NWD2: variants seen among roughly 807,000 people sequenced by gnomAD.
The protein encoded by NWD2 is NACHT and WD repeat domain containing 2.
Under a neutral mutation model 132.7 loss-of-function variants are expected in NWD2, and 37 were observed. The ratio of observed to expected loss-of-function variants is 0.28; its 90% confidence interval spans 0.21 to 0.37. The LOEUF is 0.37. Among genes scored for constraint, NWD2 ranks in the 10% least tolerant of loss-of-function variants. NWD2 has a pLI of 1.00. For synonymous variants in NWD2, 705 were observed against 803.0 expected, an observed-to-expected ratio of 0.88 and a Z score of 2.06; for missense variants, 1,592 against 2,122.4, an observed-to-expected ratio of 0.75 and a Z score of 4.91.
intron 1 of NWD2, among the ~76,000 whole-genome samples, chr4:37,271,723 T>G (rs1717874290): frequency 1.3e-5 from 2 of 151,800 alleles, no homozygotes; most frequent in Non-Finnish European, 1.5e-5. Flanking sequence ...CAAAATAAGT[T>G]GTTAAACAAA....
At chr4:37,280,081 T>C (rs1237670282) in intron 1 of NWD2, among the ~76,000 whole-genome samples, 4 of 152,158 alleles carry the variant, frequency 2.6e-5, no homozygotes, top group African/African-American at 9.7e-5. Context: ...ATGTCATCAG[T>C]AGATTCGCAG....
intron 1 of NWD2, among the ~76,000 whole-genome samples, chr4:37,250,463 T>C (rs988759570): frequency 1.3e-5 from 2 of 152,192 alleles, no homozygotes; most frequent in African/African-American, 4.8e-5. Flanking sequence ...TAACTTGTTT[T>C]GAGTTTCCCA....
intron 3 of NWD2, among the ~76,000 whole-genome samples, chr4:37,411,258 G>C (rs1034632747): frequency 2.0e-5 from 3 of 152,128 alleles, no homozygotes; most frequent in Non-Finnish European, 4.4e-5. Context: ...AAGCAGGAAA[G>C]AGAAAAGAAT....
Position 37,332,010 on chromosome 4 carries a change from C to T in NWD2, c.240+5986C>T, listed in dbSNP as rs574789006. Among the ~76,000 whole-genome samples, 39 of 152,184 alleles carry T rather than the reference C, an allele frequency of 2.6e-4. 1 individual carries two copies. Among genetic ancestry groups the T allele is most frequent in the Admixed American group, 2.4e-3 (36 of 15,282 alleles). On this transcript the variant is annotated intron_variant, in intron 2 of 6. Coordinates refer to ENST00000309447, the MANE Select transcript of NWD2 (RefSeq NM_001144990.2). ...AGACCAGGCCTAGTCAGAAGGGAAT[C>T]GCCCCTTCCAGTGATCAGAAACTGA...
intron 1 of NWD2, among the ~76,000 whole-genome samples, chr4:37,260,987 A>C (rs1473144416): frequency 3.3e-5 from 5 of 152,224 alleles, no homozygotes; most frequent in African/African-American, 1.2e-4. Flanking sequence ...TTTCTGACTC[A>C]GTGACCTTAA....
At chr4:37,431,824 C>G (rs1349672732) in intron 4 of NWD2, among the ~76,000 whole-genome samples, 2 of 152,114 alleles carry the variant, frequency 1.3e-5, no homozygotes, top group African/African-American at 4.8e-5. Context: ...GACTTTCCTT[C>G]TAGGCTAATT....
rs1283969828 is a variant in NWD2, at chr4:37,439,416, T to C, written c.1296+26T>C. ...GTAAAAGCCTATTCTTTCCCGTGTA[T>C]ATTTGTAAAAACTTGTACTTTTGGA... On this transcript the variant is annotated intron_variant, in intron 6 of 6. Coordinates refer to ENST00000309447, the MANE Select transcript of NWD2 (RefSeq NM_001144990.2). The surrounding 1 kb of genome is among the most constrained non-coding windows in gnomAD (Gnocchi z 4.5). 1 of 1,369,290 alleles carries C rather than the reference T, an allele frequency of 7.3e-7. No individual in the cohort carries two copies. The highest frequency in any genetic ancestry group is 9.6e-7 in the Non-Finnish European group (1 of 1,036,990). The allele number at this position is 1,369,290 out of a possible 1,614,324, so 84.8% of individuals were successfully genotyped here.
intron 1 of NWD2, among the ~76,000 whole-genome samples, chr4:37,266,656 C>T (rs1242021882): frequency 6.6e-6 from 1 of 152,042 alleles, no homozygotes; most frequent in Non-Finnish European, 1.5e-5. Context: ...TATTTACTGT[C>T]GCTACCAACT....
At position 37,444,702 on chromosome 4, in the gene NWD2, C is replaced by T; in HGVS notation, c.2714C>T (p.Ala905Val). Residue 905 changes from alanine (A) to valine (V), a missense_variant, in exon 7 of 7, where the codon GCA (alanine) becomes GTA (valine). By Grantham distance (64) the Ala-to-Val change is moderately conservative. This residue lies in a region of NWD2 where 1,071 missense variants were observed against 1,398.0 expected (regional missense o/e 0.77). Coordinates refer to ENST00000309447, the MANE Select transcript of NWD2 (RefSeq NM_001144990.2). The surrounding 1 kb of genome is among the most constrained non-coding windows in gnomAD (Gnocchi z 4.8). The stretch of plus-strand genomic sequence containing the variant: ...CGCAGCATCAAAAACAAGGTCACTG[C>T]ATTTCCCGGCTCCCTTTCAGCAGAG... ...TLRSIKNKVT[A>V]FPGSLSAELQ... 4 of 1,552,160 alleles carry T rather than the reference C, an allele frequency of 2.6e-6. No homozygotes were observed. The South Asian group carries it at 4.8e-5, about 18-fold the overall frequency.
At chr4:37,287,344 C>T (rs953687026) in intron 1 of NWD2, among the ~76,000 whole-genome samples, 3 of 152,104 alleles carry the variant, frequency 2.0e-5, no homozygotes, top group African/African-American at 2.4e-5. Context: ...CTTTTTGCGA[C>T]GGGGGGCAGC....
intron 3 of NWD2, among the ~76,000 whole-genome samples, chr4:37,385,739 G>T (rs940506396): frequency 1.3e-5 from 2 of 152,156 alleles, no homozygotes; most frequent in Non-Finnish European, 2.9e-5. Context: ...ACAGAAACTG[G>T]TTGGACAAGA....
chr4:37,295,369 T>C (rs999070741), intron 1 of NWD2, among the ~76,000 whole-genome samples: 2 of 152,220 alleles, frequency 1.3e-5, no homozygotes, highest in African/African-American at 4.8e-5. Flanking sequence ...AAGGAGCTCA[T>C]TCTGTGTGGA....
intron 2 of NWD2, among the ~76,000 whole-genome samples, chr4:37,345,502 T>A (rs1422801022): frequency 1.3e-5 from 2 of 152,204 alleles, no homozygotes; most frequent in Non-Finnish European, 1.5e-5. Context: ...GTATATATTC[T>A]GTGAAGAAAT....
chr4:37,426,214 T>A (rs1712004128), intron 3 of NWD2, among the ~76,000 whole-genome samples: 1 of 152,146 alleles, frequency 6.6e-6, no homozygotes, highest in African/African-American at 2.4e-5. Flanking sequence ...GTTTCTCAAA[T>A]AGCAAGATAA....
chr4:37,383,958 T>C (rs1424862007), intron 3 of NWD2, among the ~76,000 whole-genome samples: 2 of 152,208 alleles, frequency 1.3e-5, no homozygotes. Flanking sequence ...TTTATTTTTT[T>C]ATTTAATTTT....
In NWD2 at chr4:37,435,032, C is replaced by A. The variant is rs111681983; in HGVS notation, c.706+1012C>A. Among the ~76,000 whole-genome samples, 15 of 152,242 alleles carry A rather than the reference C, an allele frequency of 9.9e-5. 1 individual carries two copies. The highest frequency in any genetic ancestry group is 2.6e-4 in the African/African-American group (11 of 41,528). On this transcript the variant is annotated intron_variant, in intron 5 of 6. Transcript: ENST00000309447. ...CAGGTATACTTCAGTCTATACCATACCAAGCATTCTGCGTACAGAGGCTCA... is the reference window on the plus strand; with the variant it reads ...CAGGTATACTTCAGTCTATACCATAACAAGCATTCTGCGTACAGAGGCTCA...
At chr4:37,325,092 C>A (rs1719143222) in intron 1 of NWD2, among the ~76,000 whole-genome samples, 2 of 152,140 alleles carry the variant, frequency 1.3e-5, no homozygotes, top group South Asian at 2.1e-4. Context: ...CCTATTTGCT[C>A]TTAGAATCTT....
intron 2 of NWD2, among the ~76,000 whole-genome samples, chr4:37,344,982 T>C (rs1197422513): frequency 6.6e-6 from 1 of 152,200 alleles, no homozygotes; most frequent in Non-Finnish European, 1.5e-5. Flanking sequence ...ATGTGGTCTT[T>C]TGTGACTGGA....
intron 3 of NWD2, among the ~76,000 whole-genome samples, chr4:37,364,691 TACACACACACAC>T (rs57981065): frequency 2.4e-4 from 35 of 146,688 alleles, no homozygotes; most frequent in Non-Finnish European, 3.3e-4. Context: ...TACCTCCACT[TACACACACACAC>T]ACACACACAC....
Sources: gnomAD v4.1 joint callset for allele counts (sites outside exome capture counted in the v4.1 genomes callset) on GRCh38, gnomAD v4.1.1 for gene constraint, gnomAD v4.1.1 regional missense constraint, Gnocchi (gnomAD v3.1) non-coding constraint, MANE v1.5 for transcripts, NCBI Gene and HGNC (gene_info 2026-07-23, HGNC 2026-07-21) for gene names.